The following MBD5 variants were observed in gnomAD, a reference collection of about 807,000 sequenced individuals.
MBD5 encodes the protein methyl-CpG-binding domain protein 5.
Under a neutral mutation model 117.3 loss-of-function variants are expected in MBD5, and 13 were observed. That is an observed-to-expected ratio of 0.11 (90% CI 0.07 to 0.18). The LOEUF is 0.18. MBD5 is among the 10% of genes least tolerant of loss of function. The pLI is 1.00. For synonymous variants in MBD5, 727 were observed against 766.4 expected (o/e 0.95, Z 0.85); for missense variants, 1,879 against 2,093.8 (o/e 0.90, Z 2.00).
At chr2:148,130,745 AC>A (rs1697024501) in intron 1 of MBD5, among the ~76,000 whole-genome samples, 1 of 152,228 alleles carries the variant, frequency 6.6e-6, no homozygotes, top group East Asian at 1.9e-4. Context: ...TGGATCTGCC[AC>A]ATTGCAGGCT....
intron 4 of MBD5, among the ~76,000 whole-genome samples, chr2:148,394,480 C>T (rs944281854): frequency 6.7e-6 from 1 of 148,968 alleles, no homozygotes; most frequent in African/African-American, 2.5e-5. Context: ...TCATAATAAC[C>T]ATTCTTATGT....
At chr2:148,147,274 G>A (rs1049418288) in intron 1 of MBD5, among the ~76,000 whole-genome samples, 62 of 149,802 alleles carry the variant, frequency 4.1e-4, no homozygotes, top group African/African-American at 1.0e-3. Flanking sequence ...ACGGAGTCTC[G>A]CACTGTCACC....
At chr2:148,215,260 C>T (rs1699523314) in intron 2 of MBD5, among the ~76,000 whole-genome samples, 1 of 152,140 alleles carries the variant, frequency 6.6e-6, no homozygotes, top group Non-Finnish European at 1.5e-5. Context: ...ACATCGCCAG[C>T]CCCCAAAATA....
At chr2:148,078,739 A>G (rs1695570218) in intron 1 of MBD5, among the ~76,000 whole-genome samples, 1 of 152,188 alleles carries the variant, frequency 6.6e-6, no homozygotes, top group Non-Finnish European at 1.5e-5. Context: ...TATCTACATT[A>G]CAAATAAAGT....
chr2:148,110,851 C>T (rs2105349033), intron 1 of MBD5, among the ~76,000 whole-genome samples: 1 of 151,626 alleles, frequency 6.6e-6, no homozygotes, highest in South Asian at 2.1e-4. Context: ...GTCTTCTAAC[C>T]CTCTTTTTAT....
chr2:148,079,029 T>C lies in MBD5; in HGVS notation c.-925+57345T>C, dbSNP rs1212209744. 2.6e-5 allele frequency among the ~76,000 whole-genome samples: 4 copies of C among 152,342 alleles called. No homozygotes were observed. In the East Asian group the frequency reaches 7.7e-4, roughly 29 times the overall value. ...TTAATATTGTTCACTCATCTCCCTATGGTAGTGATCTTCTTGATGCATAGC... is the reference window on the plus strand; with the variant it reads ...TTAATATTGTTCACTCATCTCCCTACGGTAGTGATCTTCTTGATGCATAGC... On this transcript the variant is annotated intron_variant, in intron 1 of 13. Coordinates refer to ENST00000642680, the MANE Select transcript of MBD5 (RefSeq NM_001378120.1).
intron 1 of MBD5, among the ~76,000 whole-genome samples, chr2:148,163,180 G>T (rs1465635615): frequency 6.6e-6 from 1 of 152,094 alleles, no homozygotes; most frequent in East Asian, 1.9e-4. Context: ...AAATGTTTTG[G>T]TTTTTAAAAA....
At chr2:148,111,750 G>C (rs1696508217) in intron 1 of MBD5, among the ~76,000 whole-genome samples, 1 of 152,056 alleles carries the variant, frequency 6.6e-6, no homozygotes, top group Non-Finnish European at 1.5e-5. Flanking sequence ...CAGATACACA[G>C]AGGTCCCACT....
At chr2:148,499,859 C>T (rs1681818856) in intron 11 of MBD5, among the ~76,000 whole-genome samples, 1 of 151,996 alleles carries the variant, frequency 6.6e-6, no homozygotes. Flanking sequence ...ATGAATATTT[C>T]CCCAGAAAAA....
At chr2:148,345,476 TAC>T (rs368907568) in intron 4 of MBD5, among the ~76,000 whole-genome samples, 1 of 42,196 alleles carries the variant, frequency 2.4e-5, no homozygotes, top group African/African-American at 8.8e-5. Flanking sequence ...TATATACACA[TAC>T]ATATACATAT....
At chr2:148,331,219 T>TTATTAAAGTTAATTTTTA (rs1302427723) in intron 3 of MBD5, among the ~76,000 whole-genome samples, 29 of 152,314 alleles carry the variant, frequency 1.9e-4, no homozygotes, top group Middle Eastern at 6.8e-3. Context: ...TTTCCACAGA[T>TTATTAAAGTTAATTTTTA]TATTAAAGTT....
intron 4 of MBD5, among the ~76,000 whole-genome samples, chr2:148,435,101 A>G (rs550614012): frequency 2.6e-5 from 4 of 151,922 alleles, no homozygotes; most frequent in African/African-American, 4.8e-5. Context: ...TCTGTTTTCT[A>G]TTTATTTTCT....
intron 2 of MBD5, among the ~76,000 whole-genome samples, chr2:148,186,157 G>A (rs1189313317): frequency 1.3e-5 from 2 of 152,196 alleles, no homozygotes; most frequent in South Asian, 2.1e-4. Context: ...ATTCCAACGT[G>A]TTGTGTGAGG....
intron 1 of MBD5, among the ~76,000 whole-genome samples, chr2:148,164,610 T>G (rs1316214517): frequency 6.6e-6 from 1 of 152,200 alleles, no homozygotes; most frequent in Non-Finnish European, 1.5e-5. Context: ...GTTTTCATGT[T>G]TTTTTCTACA....
chr2:148,428,701 A>G (rs914015455), intron 4 of MBD5, among the ~76,000 whole-genome samples: 1 of 152,138 alleles, frequency 6.6e-6, no homozygotes, highest in African/African-American at 2.4e-5. Context: ...CACATCTACA[A>G]CCATCTGATC....
chr2:148,176,439 C>G (rs1381464927), intron 1 of MBD5, among the ~76,000 whole-genome samples: 1 of 148,782 alleles, frequency 6.7e-6, no homozygotes, highest in African/African-American at 2.5e-5. Flanking sequence ...GAGTCTTGCT[C>G]TGTTGCCCAG....
intron 8 of MBD5, 32 bp downstream of exon 8, chr2:148,470,493 G>A (rs1476176610): frequency 2.6e-6 from 4 of 1,527,864 alleles, no homozygotes; most frequent in Admixed American, 2.2e-5. Flanking sequence ...GTACCCAAAG[G>A]TACTAAACTT....
chr2:148,024,616 C>G (rs1219596396), intron 1 of MBD5, among the ~76,000 whole-genome samples: 1 of 152,170 alleles, frequency 6.6e-6, no homozygotes, highest in Non-Finnish European at 1.5e-5. Flanking sequence ...TCCCTTGCCA[C>G]AATTTTCACT....
chr2:148,181,339 C>T (rs916800602), intron 2 of MBD5, among the ~76,000 whole-genome samples: 14 of 152,276 alleles, frequency 9.2e-5, no homozygotes, highest in African/African-American at 2.6e-4. Context: ...CATGTCCTAT[C>T]GTGGAACTTT....
Sources: gnomAD v4.1 joint callset for allele counts (sites outside exome capture counted in the v4.1 genomes callset) on GRCh38, gnomAD v4.1.1 for gene constraint, MANE v1.5 for transcripts, NCBI Gene and HGNC (gene_info 2026-07-23, HGNC 2026-07-21) for gene names.